PDE4D: variants seen among roughly 807,000 people sequenced by gnomAD.
PDE4D encodes 3',5'-cyclic-AMP phosphodiesterase 4D.
PDE4D carries 24 observed loss-of-function variants against 87.4 expected under a neutral mutation model. That is an observed-to-expected ratio of 0.27 (90% CI 0.20 to 0.39). The LOEUF (loss-of-function observed/expected upper bound fraction) is 0.39. Ranked by LOEUF, PDE4D falls within the 10% of genes least tolerant of loss-of-function variation. The pLI is 1.00. For synonymous variants in PDE4D, 384 were observed against 383.2 expected (o/e 1.00, Z -0.02); for missense variants, 714 against 1,041.0 (o/e 0.69, Z 4.32).
intron 1 of PDE4D, among the ~76,000 whole-genome samples, chr5:59,685,429 C>T (rs945448843): frequency 2.0e-5 from 3 of 152,150 alleles, no homozygotes; most frequent in African/African-American, 4.8e-5. Context: ...ATTATGCACA[C>T]ATGGTCTTGC....
chr5:59,833,817 CA>C (rs1017735233), intron 1 of PDE4D, among the ~76,000 whole-genome samples: 4 of 151,940 alleles, frequency 2.6e-5, no homozygotes, highest in African/African-American at 9.7e-5. Flanking sequence ...TATAGGTATT[CA>C]AAAATGCATA....
chr5:59,587,320 T>G, intron 1 of PDE4D: 5 of 459,088 alleles, frequency 1.1e-5, no homozygotes, highest in Non-Finnish European at 1.4e-5. Context: ...CTTCCCCCGA[T>G]GTCTTTCTTT....
At chr5:59,897,746 A>G (rs547248547), upstream of PDE4D, among the ~76,000 whole-genome samples, 2 of 152,228 alleles carry the variant, frequency 1.3e-5, no homozygotes, top group African/African-American at 4.8e-5. Flanking sequence ...CATGAGTGCT[A>G]CTTCATTTGT....
At chr5:60,272,905 C>T (rs1484615369) in intron 1 of PDE4D, among the ~76,000 whole-genome samples, 2 of 152,146 alleles carry the variant, frequency 1.3e-5, no homozygotes, top group African/African-American at 4.8e-5. Context: ...AACAGAGAAG[C>T]CACTATCTAT....
chr5:60,335,576 G>A (rs1757685450), intron 1 of PDE4D, among the ~76,000 whole-genome samples: 1 of 152,160 alleles, frequency 6.6e-6, no homozygotes, highest in Admixed American at 6.5e-5. Context: ...TCTAAGAAAG[G>A]GTGGTTGGGC....
chr5:59,213,558 C>T (rs571123067), intron 2 of PDE4D, among the ~76,000 whole-genome samples: 1 of 152,078 alleles, frequency 6.6e-6, no homozygotes, highest in African/African-American at 2.4e-5. Flanking sequence ...GCTCAAGTAA[C>T]CTGAATTCAA....
At chr5:59,185,630 TA>T (rs1001271098) in intron 3 of PDE4D, among the ~76,000 whole-genome samples, 1 of 152,180 alleles carries the variant, frequency 6.6e-6, no homozygotes, top group African/African-American at 2.4e-5. Flanking sequence ...ACTTTAGGGA[TA>T]AAAAATTCCC....
intron 3 of PDE4D, among the ~76,000 whole-genome samples, chr5:59,900,247 A>AATAT (rs765217113): frequency 6.6e-4 from 73 of 110,478 alleles, no homozygotes; most frequent in Middle Eastern, 8.1e-3. Context: ...ATCAAAAAAA[A>AATAT]ATATATATAT....
Position 59,988,630 on chromosome 5 carries a change from G to T in PDE4D, c.130C>A (p.Arg44Ser), listed in dbSNP as rs531225369. ...GCGAGAGGGGGAAGCTGAATATTGC[G>T]ACATGAAAGTCTCCGGACAAGATAG... Residue 44 changes from arginine (R) to serine (S), a missense_variant, in exon 3 of 17, where the codon CGC (arginine) becomes AGC (serine). Arg to Ser is a moderately radical substitution (Grantham distance 110). Transcript: ENST00000502484. The T allele has an allele frequency of 1.9e-6, 3 of 1,599,210 alleles. No homozygotes were observed. The highest frequency in any genetic ancestry group is 3.3e-5 in the Admixed American group (2 of 60,004).
chr5:59,679,788 T>A (rs1388121729), intron 1 of PDE4D, among the ~76,000 whole-genome samples: 1 of 152,144 alleles, frequency 6.6e-6, no homozygotes, highest in Non-Finnish European at 1.5e-5. Context: ...AGAACATCAC[T>A]ATTTATTCAT....
intron 3 of PDE4D, among the ~76,000 whole-genome samples, chr5:59,935,233 G>T (rs1416302861): frequency 6.6e-6 from 1 of 152,082 alleles, no homozygotes; most frequent in Non-Finnish European, 1.5e-5. Context: ...GTGGATGGGA[G>T]TTCCCAAGGA....
At chr5:59,091,325 G>A (rs369797847) in intron 5 of PDE4D, among the ~76,000 whole-genome samples, 11 of 152,036 alleles carry the variant, frequency 7.2e-5, no homozygotes, top group East Asian at 1.9e-4. Flanking sequence ...CAAGATACAC[G>A]CACATAAGTG....
At chr5:59,219,232 G>A (rs1023253194) in intron 1 of PDE4D, among the ~76,000 whole-genome samples, 8 of 150,938 alleles carry the variant, frequency 5.3e-5, no homozygotes, top group African/African-American at 1.9e-4. Context: ...TACTTGAGAA[G>A]ACTTAATTGA....
intron 2 of PDE4D, among the ~76,000 whole-genome samples, chr5:60,099,437 G>A (rs539340993): frequency 2.0e-5 from 3 of 151,682 alleles, no homozygotes; most frequent in African/African-American, 7.2e-5. Flanking sequence ...ACATTTGCAT[G>A]GTAAAAATTC....
At chr5:59,780,413 A>C (rs1409551756) in intron 1 of PDE4D, among the ~76,000 whole-genome samples, 2 of 152,250 alleles carry the variant, frequency 1.3e-5, no homozygotes, top group Non-Finnish European at 2.9e-5. Context: ...ATTTTAGTTG[A>C]CCAAGCATTT....
At chr5:59,464,055 C>T (rs1446524165) in intron 1 of PDE4D, among the ~76,000 whole-genome samples, 1 of 152,192 alleles carries the variant, frequency 6.6e-6, no homozygotes, top group East Asian at 1.9e-4. Flanking sequence ...TCCCTAATCT[C>T]AAGTACCCAG....
intron 5 of PDE4D, among the ~76,000 whole-genome samples, chr5:59,160,457 C>T (rs1252030349): frequency 6.6e-6 from 1 of 151,776 alleles, no homozygotes; most frequent in African/African-American, 2.4e-5. Context: ...TTCAAAACCT[C>T]GGATTTTTTT....
chr5:58,983,297 A>T (rs1326188128), intron 11 of PDE4D, among the ~76,000 whole-genome samples: 3 of 152,244 alleles, frequency 2.0e-5, no homozygotes, highest in Admixed American at 2.0e-4. Flanking sequence ...GCTGGGAGAA[A>T]GAAGGCAGTG....
chr5:59,127,495 C>G (rs1775582807), intron 5 of PDE4D, among the ~76,000 whole-genome samples: 1 of 151,764 alleles, frequency 6.6e-6, no homozygotes. Flanking sequence ...AGTGAGCGGG[C>G]GTGTGCACAG....
Sources: gnomAD v4.1 joint callset for allele counts (sites outside exome capture counted in the v4.1 genomes callset) on GRCh38, gnomAD v4.1.1 for gene constraint, MANE v1.5 for transcripts, NCBI Gene and HGNC (gene_info 2026-07-23, HGNC 2026-07-21) for gene names.